The following KIAA2012 variants were observed in gnomAD, a reference collection of about 807,000 sequenced individuals.
KIAA2012 encodes uncharacterized protein KIAA2012.
KIAA2012 carries 125 observed loss-of-function variants against 150.6 expected under a neutral mutation model. The observed-to-expected ratio is 0.83, with a 90% confidence interval of 0.72 to 0.96. KIAA2012 has a LOEUF of 0.96. KIAA2012 is among the 40% of genes least tolerant of loss of function. The pLI, the probability that KIAA2012 is intolerant of heterozygous loss-of-function variation, is 0.00. For synonymous variants in KIAA2012, 462 were observed against 504.7 expected (o/e 0.92, Z 1.13); for missense variants, 1,219 against 1,354.9 (o/e 0.90, Z 1.57).
At chr2:202,114,448 A>C (rs775283520) in intron 11 of KIAA2012, 2 of 167,182 alleles carry the variant, frequency 1.2e-5, no homozygotes, top group Non-Finnish European at 2.9e-5. Flanking sequence ...TGGTGGAAGC[A>C]GGAGTTAGAC....
chr2:202,126,415 G>A (rs1405714822), intron 12 of KIAA2012, among the ~76,000 whole-genome samples: 1 of 152,192 alleles, frequency 6.6e-6, no homozygotes, highest in South Asian at 2.1e-4. Flanking sequence ...AGTCACAACT[G>A]TATCCTTGCC....
In KIAA2012 at chr2:202,195,574, TAA is replaced by T. The variant is rs1443143727; in HGVS notation, c.3187+1213_3187+1214del. Among the ~76,000 whole-genome samples the T allele has an allele frequency of 5.3e-5, 8 of 151,980 alleles. No individual in the cohort carries two copies. The East Asian group carries it at 9.7e-4, about 18-fold the overall frequency. ...GCACTCTTATAGCTATTTGAAAATA[TAA>T]GTTATTGTTACAGTTGCCTACAGTG... On this transcript the variant is annotated intron_variant, in intron 21 of 23. Coordinates refer to ENST00000498697, the MANE Select transcript of KIAA2012 (RefSeq NM_001277372.4).
At chr2:202,082,849 ATTT>A (rs34900065) in intron 2 of KIAA2012, among the ~76,000 whole-genome samples, 47,509 of 142,286 alleles carry the variant, frequency 0.33, 8,059 homozygotes, top group East Asian at 0.51. Context: ...GTCCAATTTC[ATTT>A]TTTTTTTTTT....
chr2:202,171,903 G>A (rs1691901266), intron 15 of KIAA2012, among the ~76,000 whole-genome samples: 1 of 134,854 alleles, frequency 7.4e-6, no homozygotes, highest in Admixed American at 8.2e-5. Flanking sequence ...AGGCTTGAGT[G>A]CAGTGGCGTG....
rs565396871 is a variant in KIAA2012, at chr2:202,202,437, C to T, written c.3416C>T (p.Ala1139Val). 6 of 399,560 alleles carry T rather than the reference C, an allele frequency of 1.5e-5. No individual in the cohort carries two copies. The highest frequency in any genetic ancestry group is 2.6e-5 in the Non-Finnish European group (6 of 226,638). The allele number at this position is 399,560 out of a possible 1,614,324, so 24.8% of individuals were successfully genotyped here. A position where few individuals can be genotyped will look rare whatever the true frequency, so the allele number is the denominator to read the frequency against. Residue 1139 changes from alanine to valine, a missense_variant, in exon 23 of 24, where the codon GCT becomes GTT. Transcript: ENST00000498697. Reference protein sequence around the residue: ...KQAQEQARQKAALEKHFHFYQ... With the variant: ...KQAQEQARQKVALEKHFHFYQ... The stretch of plus-strand genomic sequence containing the variant: ...TGGGGTTGTCTCCTTAGGCAAAAAG[C>T]TGCTTTGGAGAAACATTTTCATTTC...
rs188478821 is a variant in KIAA2012, at chr2:202,162,953, G to A, written c.2047-2331G>A. On this transcript the variant is annotated intron_variant, in intron 14 of 23. Transcript: ENST00000498697. ...CAAAAAAAAAAAAAAAAAAAGAGAT[G>A]CTTGTGCTTTTTAATGGTTGCATCA... Among the ~76,000 whole-genome samples, 271 of 150,092 alleles carry A rather than the reference G, an allele frequency of 1.8e-3. 1 individual carries two copies. Among genetic ancestry groups the A allele is most frequent in the African/African-American group, 6.3e-3 (255 of 40,686 alleles).
In KIAA2012 at chr2:202,165,331, CAG is replaced by C; in HGVS notation, c.2098_2099del (p.Glu700AsnfsTer16). On this transcript the variant is annotated frameshift_variant, in exon 15 of 24. Transcript: ENST00000498697. LOFTEE classifies it high-confidence loss of function. ...ATCAGGAAGAAGCAGGGAGACCCCT[CAG>C]AGAAACTCACCACAACGACCAAGGT... is the stretch of plus-strand genomic sequence containing the variant. ...DYQEEAGRPL[R>X]ETHHNDQDPE... The C allele has an allele frequency of 3.2e-6, 5 of 1,550,396 alleles. No homozygotes were observed. Among genetic ancestry groups the C allele is most frequent in the Non-Finnish European group, 4.4e-6 (5 of 1,146,838 alleles).
chr2:202,165,228 T>A (rs7582695), intron 14 of KIAA2012, 56 bp from the exon 15 acceptor site: 1,087,534 of 1,478,144 alleles, frequency 0.74, 402,279 homozygotes, highest in East Asian at 0.91. Flanking sequence ...AGAAGTGTTT[T>A]AAGTGTTTGC....
In KIAA2012 at chr2:202,125,636, C is replaced by T. The variant is rs79272529; in HGVS notation, c.1831+354C>T. On this transcript the variant is annotated intron_variant, in intron 12 of 23. Transcript: ENST00000498697. Reference sequence around the variant, plus strand: ...TGAGGTAGACATTGTCCCCTGGAGTCGTGCATCCCTCAGCCTGCACACACC... The same window carrying T: ...TGAGGTAGACATTGTCCCCTGGAGTTGTGCATCCCTCAGCCTGCACACACC... Among the ~76,000 whole-genome samples the T allele has an allele frequency of 2.5e-4, 38 of 152,234 alleles. No individual in the cohort carries two copies. In the East Asian group the frequency reaches 7.0e-3, roughly 28 times the overall value.
Position 202,107,258 on chromosome 2 carries a change from A to G in KIAA2012, c.1474+1348A>G, listed in dbSNP as rs538213593. Reference sequence around the variant, plus strand: ...CAAAAAAAAAATAAAAAAAGAATAAAAGAATAAACCAAACAATGAACCTAG... The same window carrying G: ...CAAAAAAAAAATAAAAAAAGAATAAGAGAATAAACCAAACAATGAACCTAG... On this transcript the variant is annotated intron_variant, in intron 9 of 23. Transcript: ENST00000498697. Among the ~76,000 whole-genome samples the G allele has an allele frequency of 6.6e-5, 10 of 152,186 alleles. No individual in the cohort carries two copies. In the South Asian group the frequency reaches 1.9e-3, roughly 28 times the overall value.
intron 15 of KIAA2012, chr2:202,179,772 C>T (rs879024955): frequency 1.9e-5 from 12 of 632,518 alleles, no homozygotes; most frequent in East Asian, 1.6e-4. Flanking sequence ...CCTGGAAAGC[C>T]ACAGCAGTGG....
chr2:202,165,459 C>A, intron 15 of KIAA2012, 103 bp downstream of exon 15: 1 of 1,132,898 alleles, frequency 8.8e-7, no homozygotes, highest in Non-Finnish European at 1.3e-6. Flanking sequence ...CGGTGGCTCA[C>A]GCCTGTAGTC....
At chr2:202,197,865 A>ATT (rs1692441739) in intron 22 of KIAA2012, 1 of 145,956 alleles carries the variant, frequency 6.9e-6, no homozygotes, top group Non-Finnish European at 1.5e-5. Flanking sequence ...CTCTCTTTAA[A>ATT]AAAAAAAAAA....
At chr2:202,156,623 C>T (rs943891370) in intron 14 of KIAA2012, among the ~76,000 whole-genome samples, 11 of 152,194 alleles carry the variant, frequency 7.2e-5, no homozygotes, top group Admixed American at 5.2e-4. Flanking sequence ...AAGTGACTCA[C>T]GCCTGTAATC....
rs1038535909 is a variant in KIAA2012 at position 202,073,458 on chromosome 2, G to C, written c.-170G>C. The C allele has an allele frequency of 1.7e-5, 10 of 601,436 alleles. No individual in the cohort carries two copies. The highest frequency in any genetic ancestry group is 2.8e-5 in the East Asian group (1 of 36,012). The allele number at this position is 601,436 out of a possible 1,614,324, so 37.3% of individuals were successfully genotyped here. On this transcript the variant is annotated 5_prime_UTR_variant, in exon 1 of 24. Transcript: ENST00000498697. ...CACACACTGTCTAAACTGTGTGGCTGGTTGTTACTAAGAAGCTGCTGCGAG... is the reference window on the plus strand; with the variant it reads ...CACACACTGTCTAAACTGTGTGGCTCGTTGTTACTAAGAAGCTGCTGCGAG...
Position 202,096,048 on chromosome 2 carries a change from C to T in KIAA2012, c.686-1387C>T, listed in dbSNP as rs149744218. Among the ~76,000 whole-genome samples, 1,063 of 152,288 alleles carry T rather than the reference C, an allele frequency of 7.0e-3. 10 individuals carry two copies. The highest frequency in any genetic ancestry group is 0.024 in the African/African-American group (978 of 41,544). On this transcript the variant is annotated intron_variant, in intron 4 of 23. Transcript: ENST00000498697. ...GCAGTGAGCCAAGATCATGCCACTG[C>T]ACTCCAGCCTGGGCAACAGAGTGAG...
In KIAA2012 at chr2:202,138,439, T is replaced by G. The variant is rs750256184; in HGVS notation, c.1839T>G (p.Thr613=). The G allele has an allele frequency of 6.4e-7, 1 of 1,550,516 alleles. No homozygotes were observed. Among genetic ancestry groups the G allele is most frequent in the African/African-American group, 1.4e-5 (1 of 73,032 alleles). ...PSSQHFLKAN[T]EPRANLHMNL... Reference sequence around the variant, plus strand: ...CTTTGATTTTCACTACAGCAAACACTGAACCTAGAGCCAATCTTCACATGA... The same window carrying G: ...CTTTGATTTTCACTACAGCAAACACGGAACCTAGAGCCAATCTTCACATGA... The change falls in exon 13 of 24, where the codon ACT becomes ACG. Residue 613 remains threonine, a synonymous_variant. Transcript: ENST00000498697.
intron 2 of KIAA2012, among the ~76,000 whole-genome samples, chr2:202,087,774 G>C (rs1425153342): frequency 6.6e-6 from 1 of 152,000 alleles, no homozygotes; most frequent in African/African-American, 2.4e-5. Flanking sequence ...CAGAAGAAAG[G>C]GGCCAGCAAG....
In KIAA2012 at chr2:202,146,791, TC is replaced by T. The variant is rs562311213; in HGVS notation, c.1909-7881del. On this transcript the variant is annotated intron_variant, in intron 13 of 23. Coordinates refer to ENST00000498697, the MANE Select transcript of KIAA2012 (RefSeq NM_001277372.4). ...TCCAGTCTGAGTGACAGAGCAAGAC[TC>T]TGTCTCAAAAATGAATAAAATAAAA... Among the ~76,000 whole-genome samples the T allele has an allele frequency of 8.0e-3, 1,225 of 152,242 alleles. 12 individuals carry two copies. Among genetic ancestry groups the T allele is most frequent in the Non-Finnish European group, 0.014 (922 of 68,010 alleles).
Sources: allele counts gnomAD v4.1 joint callset (sites outside exome capture counted in the v4.1 genomes callset), GRCh38; gene constraint gnomAD v4.1.1; transcripts MANE v1.5; gene names NCBI Gene and HGNC (gene_info 2026-07-23, HGNC 2026-07-21).